BAZ2A: variants seen among roughly 807,000 people sequenced by gnomAD.
BAZ2A encodes the protein bromodomain adjacent to zinc finger domain 2A.
Under a neutral mutation model 199.9 loss-of-function variants are expected in BAZ2A, and 34 were observed. The observed-to-expected ratio is 0.17, with a 90% confidence interval of 0.13 to 0.23. The LOEUF (loss-of-function observed/expected upper bound fraction) is 0.23, where lower values mean the gene tolerates loss of function less well. Ranked by LOEUF, BAZ2A falls within the 10% of genes least tolerant of loss-of-function variation. The pLI is 1.00. For missense variants in BAZ2A, 2,002 were observed against 2,391.1 expected (o/e 0.84, Z 3.39); for synonymous variants, 857 against 883.9 (o/e 0.97, Z 0.54).
intron 7 of BAZ2A, 162 bp from the exon 8 acceptor site, chr12:56,610,679 G>A (rs141660331): frequency 1.7e-5 from 11 of 636,270 alleles, no homozygotes; most frequent in Non-Finnish European, 3.0e-5. Flanking sequence ...TGGCTAGAAG[G>A]CTGACTTGAG....
chr12:56,612,904 G>T, intron 5 of BAZ2A, 111 bp downstream of exon 5: 2 of 1,240,284 alleles, frequency 1.6e-6, no homozygotes, highest in South Asian at 2.8e-5. Context: ...TTACAGGCGT[G>T]AGCCACTGCG....
chr12:56,620,717 G>A (rs1462342299), intron 1 of BAZ2A, among the ~76,000 whole-genome samples: 1 of 151,888 alleles, frequency 6.6e-6, no homozygotes, highest in Non-Finnish European at 1.5e-5. Context: ...CCGCCAACAC[G>A]CCCAGATAAT....
chr12:56,612,924 A>G, intron 5 of BAZ2A, 91 bp downstream of exon 5: 1 of 1,409,702 alleles, frequency 7.1e-7, no homozygotes. Context: ...GCCCAGCCAG[A>G]TTTCCCACTC....
rs767554629 is a variant in BAZ2A, at chr12:56,600,314, C to G, written c.4779G>C (p.Gln1593His). The part of the protein sequence containing the change: ...LAVMRLAALE[Q>H]NVERRYLREP... ...CCCGCAGGTACCGCCGTTCTACATT[C>G]TGTTCCAGGGCAGCCAGCCGCATCA... The change falls in exon 24 of 29, where the codon CAG becomes CAC. Residue 1593 changes from glutamine (Q) to histidine (H), a missense_variant. Around this residue, in one of 6 missense-constraint regions of BAZ2A, gnomAD observed 1,081 missense variants for 1,274.7 expected, o/e 0.85. Transcript: ENST00000549884. 1 of 1,614,006 alleles carries G rather than the reference C, an allele frequency of 6.2e-7. No homozygotes were observed. Among genetic ancestry groups the G allele is most frequent in the African/African-American group, 1.3e-5 (1 of 75,048 alleles).
chr12:56,631,442 C>T (rs533000040), upstream of BAZ2A, among the ~76,000 whole-genome samples: 1 of 135,308 alleles, frequency 7.4e-6, no homozygotes, highest in Admixed American at 7.4e-5. Context: ...CAGAGGGAGA[C>T]TCTATCTCAA....
In BAZ2A at chr12:56,598,928, C is replaced by G; in HGVS notation, c.5486G>C (p.Arg1829Pro). Residue 1829 changes from arginine (R) to proline (P), a missense_variant, in exon 28 of 29, where the codon CGG becomes CCG. Arg to Pro is a moderately radical substitution (Grantham distance 103). Coordinates refer to ENST00000549884, the MANE Select transcript of BAZ2A (RefSeq NM_001300905.2). ...PVNPRLVSGY[R>P]RIIKNPMDFS... ...ATCCATAGGATTTTTGATGATGCGC[C>G]GGTACCCACTCACCAAACGTGGGTT... 2 of 1,606,580 alleles carry G rather than the reference C, an allele frequency of 1.2e-6. No homozygotes were observed. The highest frequency in any genetic ancestry group is 1.7e-6 in the Non-Finnish European group (2 of 1,176,610).
At chr12:56,619,110 G>C (rs910917288) in intron 1 of BAZ2A, among the ~76,000 whole-genome samples, 1 of 151,338 alleles carries the variant, frequency 6.6e-6, no homozygotes, top group Admixed American at 6.6e-5. Context: ...TTGGGAGGCC[G>C]AGGCTGGCGG....
intron 3 of BAZ2A, chr12:56,614,377 C>CA (rs1950651865): frequency 6.7e-6 from 3 of 445,940 alleles, no homozygotes; most frequent in African/African-American, 5.8e-5. Context: ...ACATCTCTAT[C>CA]ATGTTCTCAG....
chr12:56,622,996 G>A (rs968496897), intron 1 of BAZ2A, among the ~76,000 whole-genome samples: 1 of 152,092 alleles, frequency 6.6e-6, no homozygotes, highest in African/African-American at 2.4e-5. Flanking sequence ...CAGCACTTTG[G>A]GAGGCCGAGG....
chr12:56,610,272 C>T, intron 8 of BAZ2A, 57 bp from the exon 9 acceptor site: 1 of 1,595,064 alleles, frequency 6.3e-7, no homozygotes, highest in East Asian at 2.2e-5. Context: ...TGTCTTTGGC[C>T]AGCAAAGGCA....
rs566085482 is a variant in BAZ2A at position 56,598,842 on chromosome 12, C to T, written c.5546+26G>A. Reference sequence around the variant, plus strand: ...TAGGAGTTGCAGCAGTAGCAAAGACCGGGCGGTTCACCCACATCTACTTAC... The same window carrying T: ...TAGGAGTTGCAGCAGTAGCAAAGACTGGGCGGTTCACCCACATCTACTTAC... On this transcript the variant is annotated intron_variant, in intron 28 of 28. Transcript: ENST00000549884. The T allele has an allele frequency of 1.4e-4, 229 of 1,607,538 alleles. 1 individual carries two copies. In the South Asian group the frequency reaches 2.1e-3, roughly 15 times the overall value.
chr12:56,600,542 C>T, intron 23 of BAZ2A, 52 bp from the exon 24 acceptor site: 1 of 1,568,080 alleles, frequency 6.4e-7, no homozygotes, highest in Non-Finnish European at 8.6e-7. Context: ...GAAAATTTGG[C>T]ATAGGAAAAA....
intron 1 of BAZ2A, among the ~76,000 whole-genome samples, chr12:56,625,410 C>T (rs1462716316): frequency 1.3e-5 from 2 of 151,948 alleles, no homozygotes; most frequent in African/African-American, 2.4e-5. Context: ...CACGCCTCAG[C>T]CTCCCAAAGT....
chr12:56,618,890 C>T (rs1329661854), intron 1 of BAZ2A, among the ~76,000 whole-genome samples: 1 of 151,410 alleles, frequency 6.6e-6, no homozygotes, highest in Non-Finnish European at 1.5e-5. Flanking sequence ...AGAATGAATA[C>T]ACTGGTTAAG....
At chr12:56,638,066 T>TG (rs368543114), upstream of BAZ2A, 39 of 394,090 alleles carry the variant, frequency 9.9e-5, no homozygotes, top group African/African-American at 7.8e-4. Flanking sequence ...GCCCAGGAGT[T>TG]AGAGACCAGT....
At chr12:56,613,856 C>A (rs1390056744) in intron 4 of BAZ2A, 97 bp downstream of exon 4, 3 of 1,344,446 alleles carry the variant, frequency 2.2e-6, no homozygotes, top group Non-Finnish European at 3.0e-6. Context: ...CCCAGTGCCC[C>A]TGATTGCCTA....
At chr12:56,619,508 C>CAAAAAAA (rs397850754) in intron 1 of BAZ2A, among the ~76,000 whole-genome samples, 21 of 84,688 alleles carry the variant, frequency 2.5e-4, no homozygotes, top group African/African-American at 8.3e-4. Context: ...GACCCTGTCT[C>CAAAAAAA]AAAAAAAAAA....
intron 1 of BAZ2A, 57 bp from the exon 2 acceptor site, chr12:56,617,589 AC>A: frequency 1.3e-6 from 2 of 1,529,092 alleles, no homozygotes; most frequent in Non-Finnish European, 1.8e-6. Flanking sequence ...AGGTTATGTC[AC>A]CTGGAATCTT....
chr12:56,614,041 T>C lies in BAZ2A; in HGVS notation c.828A>G (p.Leu276=), dbSNP rs771246053. The C allele has an allele frequency of 1.2e-6, 2 of 1,614,034 alleles. No homozygotes were observed. Among genetic ancestry groups the C allele is most frequent in the Non-Finnish European group, 1.7e-6 (2 of 1,179,890 alleles). Residue 276 remains leucine (L), a synonymous_variant, in exon 4 of 29, where the codon TTA becomes TTG. Coordinates refer to ENST00000549884, the MANE Select transcript of BAZ2A (RefSeq NM_001300905.2). ...VLVPDPTVSC[L]DDPSHLPDQL... ...GATCAGGAAGATGTGAAGGATCATC[T>C]AAACAGCTCACTGTGGGGTCAGGGA...
Sources: gnomAD v4.1 joint callset for allele counts (sites outside exome capture counted in the v4.1 genomes callset) on GRCh38, gnomAD v4.1.1 for gene constraint, gnomAD v4.1.1 regional missense constraint, MANE v1.5 for transcripts, NCBI Gene and HGNC (gene_info 2026-07-23, HGNC 2026-07-21) for gene names.